Variants in ZFHX4 observed in about 807,000 individuals in gnomAD.
ZFHX4 encodes zinc finger homeobox protein 4.
A neutral mutation model predicts 267.6 loss-of-function variants in ZFHX4; 56 were observed. The observed-to-expected ratio is 0.21, with a 90% CI of 0.17 to 0.26. The LOEUF (loss-of-function observed/expected upper bound fraction) is 0.26. Among genes scored for constraint, ZFHX4 ranks in the 10% least tolerant of loss-of-function variants. The pLI, the probability that ZFHX4 is intolerant of heterozygous loss-of-function variation, is 1.00. For missense variants in ZFHX4, 4,332 were observed against 4,420.0 expected (o/e 0.98, Z 0.56); for synonymous variants, 1,778 against 1,665.6 (o/e 1.07, Z -1.64).
intron 1 of ZFHX4, among the ~76,000 whole-genome samples, chr8:76,692,029 A>G (rs1026874084): frequency 3.3e-5 from 5 of 152,078 alleles, no homozygotes; most frequent in African/African-American, 1.2e-4. Flanking sequence ...AGGTACCTAA[A>G]TGGCATCTAG....
At chr8:76,759,379 C>T (rs1240848324) in intron 3 of ZFHX4, among the ~76,000 whole-genome samples, 1 of 152,186 alleles carries the variant, frequency 6.6e-6, no homozygotes, top group Admixed American at 6.5e-5. Context: ...AGTGTAATTC[C>T]TCCCGGGTGG....
chr8:76,833,482 AATAAAC>A, intron 5 of ZFHX4, 76 bp downstream of exon 5: 1 of 1,151,694 alleles, frequency 8.7e-7, no homozygotes, highest in Non-Finnish European at 1.3e-6. Flanking sequence ...TAATTGATGG[AATAAAC>A]ATTCTCTGGA....
rs774468081 is a variant in ZFHX4 at position 76,778,169 on chromosome 8, G to A, written c.3094-39G>A. On this transcript the variant is annotated intron_variant, in intron 3 of 10. Transcript: ENST00000651372. ...CACCTGTTTTGTTATCCACCATGGA[G>A]CTAGACCATTGTTCTAATGAGCCTT... 4.4e-6 allele frequency: 6 copies of A among 1,372,308 alleles called. No homozygotes were observed. In the Admixed American group the frequency reaches 5.0e-5, roughly 12 times the overall value. 85.0% of individuals were successfully genotyped at this position (1,372,308 alleles called of 1,614,324 possible).
Position 76,852,985 on chromosome 8 carries a change from A to G in ZFHX4, c.6064A>G (p.Met2022Val), listed in dbSNP as rs1466041267. The change falls in exon 10 of 11, where the codon ATG becomes GTG. Residue 2022 changes from methionine (M) to valine (V), a missense_variant. Coordinates refer to ENST00000651372, the MANE Select transcript of ZFHX4 (RefSeq NM_024721.5). ...TCCGGCTCCTCCACAGCCTTCTTCT[A>G]TGGGTCCTGTAAAGATCCCCAACAC... is the stretch of plus-strand genomic sequence containing the variant. ...LPPAPPQPSS[M>V]GPVKIPNTVS... 2.6e-6 allele frequency: 4 copies of G among 1,545,500 alleles called. No homozygotes were observed. Among genetic ancestry groups the G allele is most frequent in the African/African-American group, 2.8e-5 (2 of 71,266 alleles).
intron 10 of ZFHX4, 124 bp downstream of exon 10, chr8:76,856,424 T>G: frequency 8.9e-7 from 1 of 1,122,846 alleles, no homozygotes; most frequent in Non-Finnish European, 1.3e-6. Context: ...CAATACATTA[T>G]TTAAAGTATA....
intron 3 of ZFHX4, among the ~76,000 whole-genome samples, chr8:76,737,264 A>G (rs897397881): frequency 2.6e-5 from 4 of 152,196 alleles, no homozygotes; most frequent in Non-Finnish European, 5.9e-5. Context: ...TAACTGATAC[A>G]GATTTTTAAA....
chr8:76,821,690 G>A (rs1366476809), intron 4 of ZFHX4, among the ~76,000 whole-genome samples: 1 of 152,054 alleles, frequency 6.6e-6, no homozygotes, highest in South Asian at 2.1e-4. Context: ...TTCCCTGTAG[G>A]GAACTGAAAT....
At chr8:76,819,910 T>G (rs757698650) in intron 4 of ZFHX4, among the ~76,000 whole-genome samples, 5 of 152,184 alleles carry the variant, frequency 3.3e-5, no homozygotes, top group Non-Finnish European at 7.4e-5. Context: ...GGAAATAGAC[T>G]TCTAGAGTAT....
intron 6 of ZFHX4, among the ~76,000 whole-genome samples, chr8:76,846,967 A>G (rs893977036): frequency 1.3e-5 from 2 of 152,160 alleles, no homozygotes; most frequent in Admixed American, 1.3e-4. Flanking sequence ...ATGTACGCAA[A>G]AGAACGATAA....
chr8:76,718,935 T>TCACACACACACA (rs34486060), intron 3 of ZFHX4, among the ~76,000 whole-genome samples: 367 of 141,360 alleles, frequency 2.6e-3, no homozygotes, highest in Admixed American at 4.5e-3. Context: ...CTGAAATTGA[T>TCACACACACACA]CACACACACA....
In ZFHX4 at chr8:76,863,667, A is replaced by T. The variant is rs572527540; in HGVS notation, c.9953A>T (p.Gln3318Leu). Residue 3318 changes from glutamine (Q) to leucine (L), a missense_variant, in exon 11 of 11, where the codon CAG becomes CTG. Gln to Leu is a moderately radical substitution (Grantham distance 113). Around this residue, in one of 7 missense-constraint regions of ZFHX4, gnomAD observed 1,648 missense variants for 1,625.0 expected, o/e 1.01. Transcript: ENST00000651372. ...AGLSPGALLQ[Q>L]YQQYQQNLQE... The stretch of plus-strand genomic sequence containing the variant: ...CTGTCCCCAGGTGCACTGTTGCAGC[A>T]GTACCAACAGTATCAGCAGAACCTG... 22 of 1,606,062 alleles carry T rather than the reference A, an allele frequency of 1.4e-5. 1 individual carries two copies. In the South Asian group the frequency reaches 2.3e-4, roughly 17 times the overall value.
At chr8:76,709,226 A>G (rs998814480) in intron 3 of ZFHX4, among the ~76,000 whole-genome samples, 2 of 151,650 alleles carry the variant, frequency 1.3e-5, no homozygotes, top group Non-Finnish European at 2.9e-5. Context: ...TTCTAGATAA[A>G]TGTACTGTGC....
At chr8:76,696,842 A>G (rs1356015818) in intron 1 of ZFHX4, among the ~76,000 whole-genome samples, 1 of 152,038 alleles carries the variant, frequency 6.6e-6, no homozygotes, top group Non-Finnish European at 1.5e-5. Flanking sequence ...CATGGAATGT[A>G]AAAAGACACT....
Position 76,851,077 on chromosome 8 carries a change from C to A in ZFHX4, c.4156C>A (p.Pro1386Thr). ...DQLNEQQKRQ[P>T]LSVSDRHVYK... ...ATTAAATGAACAGCAAAAAAGGCAA[C>A]CGCTCTCTGTTTCTGACCGTCATGT... Residue 1386 changes from proline (P) to threonine (T), a missense_variant, in exon 10 of 11, where the codon CCG (proline) becomes ACG (threonine). Pro to Thr is a conservative substitution (Grantham distance 38). Transcript: ENST00000651372. 1 of 1,613,982 alleles carries A rather than the reference C, an allele frequency of 6.2e-7. No homozygotes were observed. The highest frequency in any genetic ancestry group is 8.5e-7 in the Non-Finnish European group (1 of 1,179,884).
chr8:76,788,816 G>T (rs1449967493), intron 4 of ZFHX4, among the ~76,000 whole-genome samples: 5 of 152,146 alleles, frequency 3.3e-5, no homozygotes, highest in Non-Finnish European at 5.9e-5. Context: ...TAAAGTGCAG[G>T]TCTGGGGTCT....
At chr8:76,803,566 C>G (rs1405472777) in intron 4 of ZFHX4, among the ~76,000 whole-genome samples, 1 of 152,020 alleles carries the variant, frequency 6.6e-6, no homozygotes, top group Non-Finnish European at 1.5e-5. Flanking sequence ...TCAATGTTAT[C>G]AAAATGTTTG....
chr8:76,730,876 G>A (rs973198089), intron 3 of ZFHX4, among the ~76,000 whole-genome samples: 1 of 152,072 alleles, frequency 6.6e-6, no homozygotes, highest in African/African-American at 2.4e-5. Context: ...TCTATGTAGC[G>A]AGGAATGTTT....
At chr8:76,816,837 C>T (rs552788311) in intron 4 of ZFHX4, among the ~76,000 whole-genome samples, 84 of 152,180 alleles carry the variant, frequency 5.5e-4, no homozygotes, top group Non-Finnish European at 6.5e-4. Flanking sequence ...CTCAGGTGAT[C>T]TGCCCGCCTT....
intron 3 of ZFHX4, among the ~76,000 whole-genome samples, chr8:76,750,462 T>C (rs566255328): frequency 5.9e-5 from 9 of 152,268 alleles, no homozygotes; most frequent in African/African-American, 1.7e-4. Flanking sequence ...AAATAAGTCA[T>C]ATATGATCTT....
Sources: allele counts gnomAD v4.1 joint callset (sites outside exome capture counted in the v4.1 genomes callset), GRCh38; gene constraint gnomAD v4.1.1; regional missense constraint gnomAD v4.1.1; transcripts MANE v1.5; gene names NCBI Gene and HGNC (gene_info 2026-07-23, HGNC 2026-07-21).